ALDH2: variants seen among roughly 807,000 people sequenced by gnomAD.
ALDH2 encodes the protein aldehyde dehydrogenase 2 family member, also known as aldehyde dehydrogenase, mitochondrial.
ALDH2 carries 44 observed loss-of-function variants against 59.6 expected under a neutral mutation model. The observed-to-expected ratio is 0.74, with a 90% confidence interval of 0.58 to 0.95. ALDH2 has a LOEUF of 0.95. Ranked by LOEUF, ALDH2 falls within the 40% of genes least tolerant of loss-of-function variation. ALDH2 has a pLI of 0.00. For synonymous variants in ALDH2, 291 were observed against 284.0 expected (o/e 1.02, Z -0.25); for missense variants, 570 against 696.3 (o/e 0.82, Z 2.04).
At chr12:111,803,825 A>G in intron 11 of ALDH2, 34 bp from the exon 12 acceptor site, 2 of 1,527,450 alleles carry the variant, frequency 1.3e-6, no homozygotes, top group Non-Finnish European at 1.8e-6. Context: ...ATAACCCCCA[A>G]GAGTGATTTC....
At chr12:111,770,854 C>G (rs2068193895) in intron 1 of ALDH2, among the ~76,000 whole-genome samples, 1 of 152,056 alleles carries the variant, frequency 6.6e-6, no homozygotes, top group Admixed American at 6.6e-5. Context: ...GCCATGTTGG[C>G]CAGGCTGGCT....
chr12:111,799,929 C>A lies in ALDH2; in HGVS notation c.1272C>A (p.Ile424=). The change falls in exon 11 of 13, where the codon ATC becomes ATA. Residue 424 remains isoleucine (I), a synonymous_variant. Coordinates refer to ENST00000261733, the MANE Select transcript of ALDH2 (RefSeq NM_000690.4). ...KEEIFGPVMQ[I]LKFKTIEEVV... ...AGATCTTCGGGCCAGTGATGCAGAT[C>A]CTGAAGTTCAAGACCATAGAGGAGG... 1 of 1,613,938 alleles carries A rather than the reference C, an allele frequency of 6.2e-7. No individual in the cohort carries two copies. Among genetic ancestry groups the A allele is most frequent in the Non-Finnish European group, 8.5e-7 (1 of 1,179,946 alleles).
intron 12 of ALDH2, among the ~76,000 whole-genome samples, chr12:111,804,758 A>G (rs978132960): frequency 5.9e-5 from 9 of 152,048 alleles, no homozygotes; most frequent in South Asian, 2.1e-4. Context: ...AAAAAAAAAA[A>G]AAAAGAAAAG....
intron 6 of ALDH2, 69 bp downstream of exon 6, chr12:111,790,631 A>C: frequency 6.2e-7 from 1 of 1,603,914 alleles, no homozygotes; most frequent in Non-Finnish European, 8.5e-7. Context: ...GAGTTCTGAG[A>C]AGGGTCTCAG....
intron 1 of ALDH2, among the ~76,000 whole-genome samples, chr12:111,779,095 A>G (rs906591138): frequency 2.6e-5 from 4 of 152,128 alleles, no homozygotes; most frequent in Admixed American, 2.6e-4. Flanking sequence ...AGCTCAAGCA[A>G]TCCTCCCACC....
chr12:111,802,228 A>G (rs1017500768), intron 11 of ALDH2, among the ~76,000 whole-genome samples: 4 of 152,092 alleles, frequency 2.6e-5, no homozygotes, highest in South Asian at 2.1e-4. Context: ...CCTGACCAAC[A>G]TGGTGAAACC....
chr12:111,788,040 G>GA (rs1027094927), intron 4 of ALDH2, among the ~76,000 whole-genome samples: 3 of 145,258 alleles, frequency 2.1e-5, no homozygotes, highest in African/African-American at 2.5e-5. Flanking sequence ...CTCTGTCTCA[G>GA]AAAAAAAAAT....
At chr12:111,781,837 G>GTTT in intron 1 of ALDH2, 81 bp from the exon 2 acceptor site, 2 of 886,068 alleles carry the variant, frequency 2.3e-6, no homozygotes, top group Non-Finnish European at 3.3e-6. Flanking sequence ...GCTTTTTCTT[G>GTTT]TTTTTTTTTT....
Position 111,790,476 on chromosome 12 carries a change from G to C in ALDH2, c.595G>C (p.Ala199Pro). ...LLMQAWKLGP[A>P]LATGNVVVMK... Reference sequence around the variant, plus strand: ...GATGCAAGCATGGAAGCTGGGCCCAGCCTTGGCAACTGGAAACGTGGTTGT... The same window carrying C: ...GATGCAAGCATGGAAGCTGGGCCCACCCTTGGCAACTGGAAACGTGGTTGT... Residue 199 changes from alanine (A) to proline (P), a missense_variant, in exon 6 of 13, where the codon GCC becomes CCC. Transcript: ENST00000261733. 1 of 1,614,162 alleles carries C rather than the reference G, an allele frequency of 6.2e-7. No individual in the cohort carries two copies. Among genetic ancestry groups the C allele is most frequent in the Non-Finnish European group, 8.5e-7 (1 of 1,180,032 alleles).
At chr12:111,807,875 A>ATTTT (rs35239056) in intron 12 of ALDH2, among the ~76,000 whole-genome samples, 1 of 139,250 alleles carries the variant, frequency 7.2e-6, no homozygotes. Flanking sequence ...AGGTGGCTCA[A>ATTTT]TTTTTTTTTT....
Position 111,796,384 on chromosome 12 carries a change from G to A in ALDH2, c.1084-1694G>A, listed in dbSNP as rs11613231. Among the ~76,000 whole-genome samples, 230 of 151,728 alleles carry A rather than the reference G, an allele frequency of 1.5e-3. 1 individual carries two copies. Among genetic ancestry groups the A allele is most frequent in the African/African-American group, 5.2e-3 (216 of 41,360 alleles). Reference sequence around the variant, plus strand: ...AAAAATTAGCCAGATGTAGTGATGCGTGCCTATACTCTCAGCTACTTGGGA... The same window carrying A: ...AAAAATTAGCCAGATGTAGTGATGCATGCCTATACTCTCAGCTACTTGGGA... On this transcript the variant is annotated intron_variant, in intron 9 of 12. Coordinates refer to ENST00000261733, the MANE Select transcript of ALDH2 (RefSeq NM_000690.4).
chr12:111,802,411 CAAAA>C (rs58247934), intron 11 of ALDH2, among the ~76,000 whole-genome samples: 2 of 86,610 alleles, frequency 2.3e-5, no homozygotes. Flanking sequence ...GACTCTGTCT[CAAAA>C]AAAAAAAAAA....
chr12:111,774,961 C>T (rs972201708), intron 1 of ALDH2, among the ~76,000 whole-genome samples: 4 of 152,192 alleles, frequency 2.6e-5, no homozygotes, highest in Non-Finnish European at 4.4e-5. Context: ...TTTGGAAAAA[C>T]GCATGTGAAA....
Position 111,798,122 on chromosome 12 carries a change from G to A in ALDH2, c.1128G>A (p.Thr376=), listed in dbSNP as rs182362882. ...AGAAGATCCTCGGCTACATCAACAC[G>A]GGGAAGCAAGAGGGGGCGAAGCTGC... is the stretch of plus-strand genomic sequence containing the variant. ...QFKKILGYIN[T]GKQEGAKLLC... The change falls in exon 10 of 13, where the codon ACG becomes ACA. Residue 376 remains threonine (T), a synonymous_variant. Coordinates refer to ENST00000261733, the MANE Select transcript of ALDH2 (RefSeq NM_000690.4). 1.9e-5 allele frequency: 30 copies of A among 1,614,048 alleles called. No individual in the cohort carries two copies. The Admixed American group carries it at 2.8e-4, about 15-fold the overall frequency.
rs2068526474 is a variant in ALDH2, at chr12:111,810,273, C to CTGGG, written c.*698_*699insTGGG. ...GAGTGGAGATCATGCCACTGCACTC[C>CTGGG]AGCCTGGGAGTCAGAGCGAGACTCC... On this transcript the variant is annotated 3_prime_UTR_variant, in exon 13 of 13. Coordinates refer to ENST00000261733, the MANE Select transcript of ALDH2 (RefSeq NM_000690.4). 1 of 152,392 alleles carries CTGGG rather than the reference C, an allele frequency of 6.6e-6. No homozygotes were observed. Among genetic ancestry groups the CTGGG allele is most frequent in the Non-Finnish European group, 1.5e-5 (1 of 68,232 alleles). The allele number at this position is 152,392 out of a possible 1,614,324, so 9.4% of individuals were successfully genotyped here.
intron 1 of ALDH2, among the ~76,000 whole-genome samples, chr12:111,767,477 T>C (rs1277664393): frequency 2.6e-5 from 4 of 152,204 alleles, no homozygotes; most frequent in African/African-American, 9.6e-5. Flanking sequence ...TCCTGTCTTT[T>C]CCTTAGTCAT....
chr12:111,795,823 C>G (rs914074754), intron 9 of ALDH2, among the ~76,000 whole-genome samples: 3 of 151,342 alleles, frequency 2.0e-5, no homozygotes, highest in Non-Finnish European at 2.9e-5. Flanking sequence ...GAACTCCTGA[C>G]CTTGTGATCC....
intron 10 of ALDH2, 35 bp from the exon 11 acceptor site, chr12:111,799,870 GT>G (rs2068435304): frequency 6.3e-7 from 1 of 1,590,292 alleles, no homozygotes; most frequent in African/African-American, 1.3e-5. Context: ...GTGCCTCCGT[GT>G]TGCCGAACCC....
intron 4 of ALDH2, among the ~76,000 whole-genome samples, chr12:111,788,482 C>T (rs2136016748): frequency 6.6e-6 from 1 of 152,372 alleles, no homozygotes; most frequent in South Asian, 2.1e-4. Context: ...TCTGCAAGGA[C>T]ACCCCAGAGA....
Sources: gnomAD v4.1 joint callset for allele counts (sites outside exome capture counted in the v4.1 genomes callset) on GRCh38, gnomAD v4.1.1 for gene constraint, MANE v1.5 for transcripts, NCBI Gene and HGNC (gene_info 2026-07-23, HGNC 2026-07-21) for gene names.